PCDHGB1: variants seen among roughly 807,000 people sequenced by gnomAD.
The protein encoded by PCDHGB1 is protocadherin gamma-B1.
Under a neutral mutation model 56.6 loss-of-function variants are expected in PCDHGB1, and 34 were observed. The observed-to-expected ratio is 0.60, with a 90% CI of 0.46 to 0.80. PCDHGB1 has a LOEUF of 0.80. PCDHGB1 is among the 30% of genes least tolerant of loss of function. The pLI is 0.00. For missense variants in PCDHGB1, 1,278 were observed against 1,204.6 expected (o/e 1.06, Z -0.90); for synonymous variants, 561 against 505.9 (o/e 1.11, Z -1.46).
chr5:141,489,944 T>C lies in PCDHGB1; in HGVS notation c.2410-4863T>C. On this transcript the variant is annotated intron_variant, in intron 1 of 3. Coordinates refer to ENST00000523390, the MANE Select transcript of PCDHGB1 (RefSeq NM_018922.3). The surrounding 1 kb of genome is among the most constrained non-coding windows in gnomAD (Gnocchi z 4.5). Reference sequence around the variant, plus strand: ...CTTATCTCTGTCATCGTGCTGGACATCAATGATAATGCTCCAACCTTCCAA... The same window carrying C: ...CTTATCTCTGTCATCGTGCTGGACACCAATGATAATGCTCCAACCTTCCAA... 6.2e-7 allele frequency: 1 copy of C among 1,614,172 alleles called. No homozygotes were observed. Among genetic ancestry groups the C allele is most frequent in the Non-Finnish European group, 8.5e-7 (1 of 1,180,010 alleles).
At chr5:141,367,381 C>CA (rs1372529981) in intron 1 of PCDHGB1, 2 of 151,950 alleles carry the variant, frequency 1.3e-5, no homozygotes, top group Non-Finnish European at 2.9e-5. Flanking sequence ...ACTAAAAATA[C>CA]AAAAAATTAG....
chr5:141,374,376 A>G (rs1770434456), intron 1 of PCDHGB1: 8 of 1,613,952 alleles, frequency 5.0e-6, no homozygotes, highest in Non-Finnish European at 6.8e-6. Context: ...CTCTGTGCTC[A>G]GAGCCCGCGG....
chr5:141,399,362 C>T (rs182743080), intron 1 of PCDHGB1: 5 of 1,613,990 alleles, frequency 3.1e-6, no homozygotes, highest in East Asian at 2.2e-5. Context: ...GAGCAAACCC[C>T]GGAGTACAAT....
rs1312182657 is a variant in PCDHGB1 at position 141,406,777 on chromosome 5, CTT to C, written c.2409+54109_2409+54110del. Among the ~76,000 whole-genome samples the C allele has an allele frequency of 2.0e-5, 3 of 152,268 alleles. No individual in the cohort carries two copies. The East Asian group carries it at 5.8e-4, about 29-fold the overall frequency. On this transcript the variant is annotated intron_variant, in intron 1 of 3. Coordinates refer to ENST00000523390, the MANE Select transcript of PCDHGB1 (RefSeq NM_018922.3). ...CAAGGAATTAAAAATATTTCTCTCA[CTT>C]ATATATTATTTCTGGCTCAATTCTC...
intron 1 of PCDHGB1, among the ~76,000 whole-genome samples, chr5:141,480,115 G>A (rs1164458958): frequency 6.6e-6 from 1 of 152,110 alleles, no homozygotes; most frequent in African/African-American, 2.4e-5. Flanking sequence ...CATGGTGCCT[G>A]GCATATCATA....
chr5:141,427,023 G>A, intron 1 of PCDHGB1: 1 of 456,968 alleles, frequency 2.2e-6, no homozygotes, highest in Non-Finnish European at 4.4e-6. Flanking sequence ...TGTATACAAA[G>A]TCAGCCTTAG....
At chr5:141,373,226 A>G (rs540520010) in intron 1 of PCDHGB1, among the ~76,000 whole-genome samples, 4 of 152,364 alleles carry the variant, frequency 2.6e-5, no homozygotes, top group Middle Eastern at 6.8e-3. Context: ...TAACCTGTAT[A>G]TAATATTTTT....
chr5:141,490,142 C>T lies in PCDHGB1; in HGVS notation c.2410-4665C>T. On this transcript the variant is annotated intron_variant, in intron 1 of 3. Transcript: ENST00000523390. This position sits in a 1 kb window ranked among gnomAD's most constrained non-coding sequence, Gnocchi z 5.4. ...TTTGGCCTAGACCCTAGCAGTGGGG[C>T]AATCCATGTGTTGGGTCCCATAGAC... 2 of 1,614,220 alleles carry T rather than the reference C, an allele frequency of 1.2e-6. No individual in the cohort carries two copies. Among genetic ancestry groups the T allele is most frequent in the South Asian group, 1.1e-5 (1 of 91,088 alleles).
intron 2 of PCDHGB1, among the ~76,000 whole-genome samples, chr5:141,502,866 C>CTTTTTT (rs549047197): frequency 2.0e-4 from 26 of 128,026 alleles, no homozygotes; most frequent in African/African-American, 6.2e-4. Flanking sequence ...GACTCTCTGT[C>CTTTTTT]TTTTTTTTTT....
chr5:141,394,863 C>T (rs758408774), intron 1 of PCDHGB1: 37 of 1,613,708 alleles, frequency 2.3e-5, no homozygotes, highest in Non-Finnish European at 2.9e-5. Context: ...TTCGGTCGAC[C>T]CGAACGATTC....
rs1243112302 is a variant in PCDHGB1, at chr5:141,476,738, C to G, written c.2410-18069C>G. 6.2e-7 allele frequency: 1 copy of G among 1,614,076 alleles called. No homozygotes were observed. Among genetic ancestry groups the G allele is most frequent in the Non-Finnish European group, 8.5e-7 (1 of 1,180,028 alleles). On this transcript the variant is annotated intron_variant, in intron 1 of 3. Transcript: ENST00000523390. This position sits in a 1 kb window ranked among gnomAD's most constrained non-coding sequence, Gnocchi z 7.6. ...GCGCGCCCTGGACCGAGAACGGGAG[C>G]CTAGTCTCCAGTTAGTGCTGACGGC...
At chr5:141,426,639 AATGTGATGATAGAAGATATAAATG>A (rs1418104928) in intron 1 of PCDHGB1, 1 of 407,642 alleles carries the variant, frequency 2.5e-6, no homozygotes, top group Non-Finnish European at 5.0e-6. Context: ...TTTTCACATA[AATGTGATGATAGAAGATATAAATG>A]ATAACCCACC....
rs978109236 is a variant in PCDHGB1, at chr5:141,418,889, A to G, written c.2409+66220A>G. 1.9e-6 allele frequency: 3 copies of G among 1,614,020 alleles called. No homozygotes were observed. The African/African-American group carries it at 4.0e-5, about 21-fold the overall frequency. On this transcript the variant is annotated intron_variant, in intron 1 of 3. Coordinates refer to ENST00000523390, the MANE Select transcript of PCDHGB1 (RefSeq NM_018922.3). Reference sequence around the variant, plus strand: ...AGAAGTTGTAGACGAAAACGACAACAGCCCAGAAATAATCATCACGTCACT... The same window carrying G: ...AGAAGTTGTAGACGAAAACGACAACGGCCCAGAAATAATCATCACGTCACT...
At chr5:141,366,899 C>A in intron 1 of PCDHGB1, 1 of 1,196,082 alleles carries the variant, frequency 8.4e-7, no homozygotes, top group Non-Finnish European at 1.1e-6. Flanking sequence ...ATAATTCATG[C>A]TTTCTCCATT....
intron 1 of PCDHGB1, chr5:141,382,939 T>G: frequency 6.3e-7 from 1 of 1,594,910 alleles, no homozygotes; most frequent in Non-Finnish European, 8.6e-7. Context: ...CAGAGGATTC[T>G]TCCTGCTCTC....
chr5:141,376,447 C>T (rs777597745), intron 1 of PCDHGB1: 83 of 1,614,064 alleles, frequency 5.1e-5, no homozygotes, highest in Admixed American at 1.3e-4. Context: ...ATGAGAAAAG[C>T]GAGCCTCTTC....
chr5:141,448,784 C>CA (rs576464275), intron 1 of PCDHGB1, among the ~76,000 whole-genome samples: 7,532 of 145,718 alleles, frequency 0.052, 302 homozygotes, highest in African/African-American at 0.11. Flanking sequence ...ACTAAAAATA[C>CA]AAAAAAAAAA....
At chr5:141,426,492 T>A (rs1439487321) in intron 1 of PCDHGB1, 11 of 336,712 alleles carry the variant, frequency 3.3e-5, no homozygotes, top group South Asian at 2.6e-4. Flanking sequence ...TTAGAGTTAG[T>A]GCAGAGAAAC....
rs370704204 is a variant in PCDHGB1, at chr5:141,389,625, G to A, written c.2409+36956G>A. On this transcript the variant is annotated intron_variant, in intron 1 of 3. Coordinates refer to ENST00000523390, the MANE Select transcript of PCDHGB1 (RefSeq NM_018922.3). The stretch of plus-strand genomic sequence containing the variant: ...CTTCGATATGGTGCCGCACGCTGCA[G>A]AGCCTGGCTACTTGGTGACCAAGGT... 6 of 1,613,020 alleles carry A rather than the reference G, an allele frequency of 3.7e-6. No individual in the cohort carries two copies. The Admixed American group carries it at 5.0e-5, about 13-fold the overall frequency.
Sources: allele counts gnomAD v4.1 joint callset (sites outside exome capture counted in the v4.1 genomes callset), GRCh38; gene constraint gnomAD v4.1.1; non-coding constraint Gnocchi (gnomAD v3.1); transcripts MANE v1.5; gene names NCBI Gene and HGNC (gene_info 2026-07-23, HGNC 2026-07-21).